Variants in ZSCAN25 observed in about 807,000 individuals in gnomAD.
ZSCAN25 encodes the protein zinc finger and SCAN domain-containing protein 25.
Under a neutral mutation model 38.7 loss-of-function variants are expected in ZSCAN25, and 27 were observed. That is an observed-to-expected ratio of 0.70 (90% CI 0.51 to 0.96). The LOEUF is 0.96. ZSCAN25 is among the 40% of genes least tolerant of loss of function. The pLI is 0.00. For synonymous variants in ZSCAN25, 273 were observed against 277.7 expected, an observed-to-expected ratio of 0.98 and a Z score of 0.17; for missense variants, 637 against 705.9, an observed-to-expected ratio of 0.90 and a Z score of 1.11.
the ZSCAN25 span, among the ~76,000 whole-genome samples, chr7:99,658,487 C>T: frequency 1.3e-5 from 2 of 151,966 alleles, no homozygotes; most frequent in African/African-American, 4.8e-5. Flanking sequence ...GTGGGTAACC[C>T]GACCTTTCTC....
chr7:99,727,026 T>C, the ZSCAN25 span, among the ~76,000 whole-genome samples: 1 of 152,216 alleles, frequency 6.6e-6, no homozygotes, highest in Non-Finnish European at 1.5e-5. Context: ...AAAACCATTA[T>C]ATAAACTCAC....
At chr7:99,657,343 C>A in the ZSCAN25 span, among the ~76,000 whole-genome samples, 1 of 152,108 alleles carries the variant, frequency 6.6e-6, no homozygotes, top group Admixed American at 6.5e-5. Flanking sequence ...GTTATGTACC[C>A]AGTAGTCATT....
chr7:99,630,598 A>G lies in ZSCAN25; in HGVS notation c.*578A>G. The G allele has an allele frequency of 2.0e-6, 2 of 986,416 alleles. No individual in the cohort carries two copies. Among genetic ancestry groups the G allele is most frequent in the Non-Finnish European group, 1.2e-6 (1 of 830,758 alleles). 61.1% of individuals were successfully genotyped at this position (986,416 alleles called of 1,614,324 possible). A position where few individuals can be genotyped will look rare whatever the true frequency, so the allele number is the denominator to read the frequency against. Reference sequence around the variant, plus strand: ...AGGGTATCTGTGCTGTGTGCCCGTGAGAACATCTTCCCATGACCACTCCTG... The same window carrying G: ...AGGGTATCTGTGCTGTGTGCCCGTGGGAACATCTTCCCATGACCACTCCTG... On this transcript the variant is annotated 3_prime_UTR_variant, in exon 8 of 8. Coordinates refer to ENST00000394152, the MANE Select transcript of ZSCAN25 (RefSeq NM_145115.3).
At chr7:99,706,618 T>C in the ZSCAN25 span, among the ~76,000 whole-genome samples, 2 of 152,238 alleles carry the variant, frequency 1.3e-5, no homozygotes. Flanking sequence ...AGAGAAAAGG[T>C]TCCAAATCTT....
At chr7:99,734,950 T>C in the ZSCAN25 span, 10 of 1,606,760 alleles carry the variant, frequency 6.2e-6, no homozygotes, top group Admixed American at 1.7e-5. Flanking sequence ...TCAAAACAGA[T>C]AAGGGAAAGA....
At chr7:99,628,026 A>T (rs976587408) in intron 7 of ZSCAN25, among the ~76,000 whole-genome samples, 2 of 152,020 alleles carry the variant, frequency 1.3e-5, no homozygotes, top group African/African-American at 4.8e-5. Context: ...CAGAGGCAGG[A>T]GGGTCACTTG....
the ZSCAN25 span, chr7:99,662,850 G>C: frequency 3.7e-6 from 6 of 1,613,974 alleles, no homozygotes; most frequent in East Asian, 8.9e-5. This position sits in a 1 kb window ranked among gnomAD's most constrained non-coding sequence, Gnocchi z 4.3. Context: ...AATTCTGGGA[G>C]TCAATCATCA....
chr7:99,664,797 G>T, the ZSCAN25 span, among the ~76,000 whole-genome samples: 1 of 151,992 alleles, frequency 6.6e-6, no homozygotes, highest in Non-Finnish European at 1.5e-5. Context: ...GAAACCTAAA[G>T]CCAGCAAAAG....
In ZSCAN25 at chr7:99,625,710, G is replaced by A. The variant is rs140415306; in HGVS notation, c.805+1530G>A. On this transcript the variant is annotated intron_variant, in intron 7 of 7. Transcript: ENST00000394152. ...CCCCTCCCAGTGATGCTGCTGTGTG[G>A]GGTGAGGAGCCCCTCGCCCCCATTC... Among the ~76,000 whole-genome samples the A allele has an allele frequency of 1.6e-3, 251 of 152,222 alleles. 1 individual carries two copies. The highest frequency in any genetic ancestry group is 0.016 in the South Asian group (79 of 4,824).
chr7:99,622,646 C>G lies in ZSCAN25; in HGVS notation c.681+6C>G, dbSNP rs1358319202. ...TCTTTACTGCTGGATCGCAGGTGAG[C>G]TCTGACTCCCTTTGCAGAAATCATG... On this transcript the variant is annotated splice_donor_region_variant and intron_variant, in intron 6 of 7. Coordinates refer to ENST00000394152, the MANE Select transcript of ZSCAN25 (RefSeq NM_145115.3). 6.2e-7 allele frequency: 1 copy of G among 1,613,160 alleles called. No individual in the cohort carries two copies. The highest frequency in any genetic ancestry group is 1.7e-5 in the Admixed American group (1 of 59,806).
the ZSCAN25 span, chr7:99,648,192 AG>A: frequency 1.4e-6 from 2 of 1,455,476 alleles, no homozygotes; most frequent in African/African-American, 2.8e-5. Flanking sequence ...CTACTCATGC[AG>A]TACATTAGAT....
At position 99,621,593 on chromosome 7, in the gene ZSCAN25, G is replaced by GTCTTAC; in HGVS notation, c.589+20_589+21insCTTACT. 7.2e-7 allele frequency: 1 copy of GTCTTAC among 1,379,808 alleles called. No homozygotes were observed. 85.5% of individuals were successfully genotyped at this position (1,379,808 alleles called of 1,614,324 possible). ...GAGCAAGGTGAGTAAGACGCAGATA[G>GTCTTAC]TGGGGATGTCAGGTCATAGGAAACA... On this transcript the variant is annotated intron_variant, in intron 5 of 7. Transcript: ENST00000394152.
the ZSCAN25 span, chr7:99,671,910 C>T: frequency 1.4e-6 from 1 of 699,822 alleles, no homozygotes; most frequent in African/African-American, 1.8e-5. Flanking sequence ...TAGAACTACC[C>T]ACACACATAA....
the ZSCAN25 span, among the ~76,000 whole-genome samples, chr7:99,687,610 C>G: frequency 6.6e-6 from 1 of 152,104 alleles, no homozygotes; most frequent in Admixed American, 6.5e-5. Flanking sequence ...GGATATTATC[C>G]AGGAGAACTT....
At chr7:99,655,562 G>T in the ZSCAN25 span, among the ~76,000 whole-genome samples, 1 of 152,192 alleles carries the variant, frequency 6.6e-6, no homozygotes, top group Non-Finnish European at 1.5e-5. Flanking sequence ...GGCAATGCGG[G>T]CTCTTTTTTG....
Position 99,631,552 on chromosome 7 carries a change from G to A in ZSCAN25, c.*1532G>A, listed in dbSNP as rs1807996524. The A allele has an allele frequency of 2.0e-6, 2 of 985,420 alleles. No individual in the cohort carries two copies. The highest frequency in any genetic ancestry group is 2.4e-6 in the Non-Finnish European group (2 of 829,924). 61.0% of individuals were successfully genotyped at this position (985,420 alleles called of 1,614,324 possible). The stretch of plus-strand genomic sequence containing the variant: ...TGAGTGAGTTTGTCCTTTGTTGATA[G>A]TGTCCTATAATTGCAAAATGTGGTT... On this transcript the variant is annotated 3_prime_UTR_variant, in exon 8 of 8. Coordinates refer to ENST00000394152, the MANE Select transcript of ZSCAN25 (RefSeq NM_145115.3).
At chr7:99,652,231 T>G in the ZSCAN25 span, 2 of 156,872 alleles carry the variant, frequency 1.3e-5, no homozygotes, top group South Asian at 3.9e-4. Context: ...GTGGATAGTT[T>G]CCTGTTAAAT....
chr7:99,726,347 A>G, the ZSCAN25 span, among the ~76,000 whole-genome samples: 1 of 152,184 alleles, frequency 6.6e-6, no homozygotes, highest in Non-Finnish European at 1.5e-5. Context: ...AACTCTCCTT[A>G]TAATTCCCCC....
At chr7:99,658,864 T>G in the ZSCAN25 span, 1 of 152,266 alleles carries the variant, frequency 6.6e-6, no homozygotes, top group African/African-American at 2.4e-5. Context: ...TTTCTTCCAG[T>G]TGATTGAATT....
Sources: allele counts gnomAD v4.1 joint callset (sites outside exome capture counted in the v4.1 genomes callset), GRCh38; gene constraint gnomAD v4.1.1; non-coding constraint Gnocchi (gnomAD v3.1); transcripts MANE v1.5; gene names NCBI Gene and HGNC (gene_info 2026-07-23, HGNC 2026-07-21).